The following CACNA2D4 variants were observed in gnomAD, a reference collection of about 807,000 sequenced individuals.
The protein encoded by CACNA2D4 is voltage-dependent calcium channel subunit alpha-2/delta-4.
Under a neutral mutation model 163.8 loss-of-function variants are expected in CACNA2D4, and 157 were observed. That is an observed-to-expected ratio of 0.96 (90% CI 0.84 to 1.09). The LOEUF (loss-of-function observed/expected upper bound fraction) is 1.09. Among genes scored for constraint, CACNA2D4 ranks in the 50% least tolerant of loss-of-function variants. CACNA2D4 has a pLI of 0.00. For missense variants in CACNA2D4, 1,410 were observed against 1,479.9 expected (o/e 0.95, Z 0.78); for synonymous variants, 598 against 586.9 (o/e 1.02, Z -0.27).
intron 26 of CACNA2D4, among the ~76,000 whole-genome samples, chr12:1,816,317 G>A (rs1863868832): frequency 6.6e-6 from 1 of 152,208 alleles, no homozygotes; most frequent in Non-Finnish European, 1.5e-5. Context: ...TTGCTTTCCT[G>A]GGAGTTATCA....
intron 32 of CACNA2D4, 45 bp from the exon 33 acceptor site, chr12:1,800,097 G>A (rs755778956): frequency 1.8e-5 from 28 of 1,555,008 alleles, no homozygotes; most frequent in East Asian, 4.8e-5. Flanking sequence ...GAGCCCTCCC[G>A]ACTTGGGTTC....
chr12:1,866,625 TG>T lies in CACNA2D4; in HGVS notation c.1879-6420del, dbSNP rs200750642. ...CCTTCTATCTGAAAATGTCTTTTTT[TG>T]TTGTTTGTTTTGGAGACATAGTCTC... is the stretch of plus-strand genomic sequence containing the variant. On this transcript the variant is annotated intron_variant, in intron 18 of 37. Transcript: ENST00000382722. Among the ~76,000 whole-genome samples the T allele has an allele frequency of 7.9e-5, 12 of 151,764 alleles. No individual in the cohort carries two copies. The East Asian group carries it at 1.4e-3, about 17-fold the overall frequency.
intron 31 of CACNA2D4, 27 bp from the exon 32 acceptor site, chr12:1,800,465 C>G (rs377639318): frequency 6.2e-7 from 1 of 1,612,756 alleles, no homozygotes; most frequent in South Asian, 1.1e-5. Flanking sequence ...GCACACCGCT[C>G]GCACCTAGGT....
Position 1,907,640 on chromosome 12 carries a change from G to T in CACNA2D4, c.650-69C>A, listed in dbSNP as rs942453390. The T allele has an allele frequency of 8.9e-6, 13 of 1,466,398 alleles. No individual in the cohort carries two copies. The African/African-American group carries it at 1.7e-4, about 19-fold the overall frequency. 90.8% of individuals were successfully genotyped at this position (1,466,398 alleles called of 1,614,324 possible). The stretch of plus-strand genomic sequence containing the variant: ...GGAAAATGGTGATCATGCCCGGTGA[G>T]GGTGCCTGGTGGGCGTGTCTGGTGG... On this transcript the variant is annotated intron_variant, in intron 5 of 37. Transcript: ENST00000382722.
intron 26 of CACNA2D4, among the ~76,000 whole-genome samples, chr12:1,830,008 A>C (rs923714268): frequency 6.6e-6 from 1 of 152,208 alleles, no homozygotes. Context: ...TACTTCTCCC[A>C]GCCCTACAGA....
At chr12:1,794,122 C>T (rs1374006861) in intron 37 of CACNA2D4, among the ~76,000 whole-genome samples, 1 of 152,164 alleles carries the variant, frequency 6.6e-6, no homozygotes. Context: ...GTTCTGGATC[C>T]GTACCAGCCA....
chr12:1,809,948 G>A (rs1346071639), intron 29 of CACNA2D4, among the ~76,000 whole-genome samples: 1 of 152,232 alleles, frequency 6.6e-6, no homozygotes, highest in Non-Finnish European at 1.5e-5. Flanking sequence ...GGCCCCGAGT[G>A]AGGCTGGGCC....
chr12:1,888,925 A>C (rs553860533), intron 6 of CACNA2D4, among the ~76,000 whole-genome samples: 54 of 152,342 alleles, frequency 3.5e-4, no homozygotes, highest in African/African-American at 1.3e-3. Context: ...ATAGACACAT[A>C]GTATTGGAAC....
intron 6 of CACNA2D4, among the ~76,000 whole-genome samples, chr12:1,901,616 A>G (rs1866539169): frequency 6.6e-6 from 1 of 152,160 alleles, no homozygotes; most frequent in Admixed American, 6.5e-5. Flanking sequence ...TCCTAGACAC[A>G]TACAACCTAC....
At position 1,799,683 on chromosome 12, in the gene CACNA2D4, A is replaced by G. The variant is rs55971855; in HGVS notation, c.2987T>C (p.Phe996Ser). The change falls in exon 34 of 38, where the codon TTC (phenylalanine) becomes TCC (serine). Residue 996 changes from phenylalanine (F) to serine (S), a missense_variant. Transcript: ENST00000382722. The surrounding 1 kb of genome is among the most constrained non-coding windows in gnomAD (Gnocchi z 4.7). ...YDRGAEAKSV[F>S]HHSHKHKKQD... ...TCAGCTGGGCTACTTACAGTGATGG[A>G]AGACACTTTTGGCTGGCCGGAACAT... The G allele has an allele frequency of 6.9e-3, 10,844 of 1,572,600 alleles. 54 individuals are homozygous for G. Among genetic ancestry groups the G allele is most frequent in the Middle Eastern group, 0.015 (93 of 6,026 alleles).
chr12:1,911,163 A>G (rs1420364430), intron 3 of CACNA2D4, among the ~76,000 whole-genome samples: 1 of 151,594 alleles, frequency 6.6e-6, no homozygotes, highest in East Asian at 1.9e-4. Context: ...AGCTGGGACT[A>G]CAGGCACCCA....
At chr12:1,876,702 C>T (rs191660253) in intron 16 of CACNA2D4, among the ~76,000 whole-genome samples, 12 of 152,308 alleles carry the variant, frequency 7.9e-5, no homozygotes, top group African/African-American at 2.2e-4. Flanking sequence ...TCCCTCCTTT[C>T]CCATGCCTGG....
intron 26 of CACNA2D4, among the ~76,000 whole-genome samples, chr12:1,817,830 G>C (rs1394150225): frequency 3.9e-5 from 6 of 151,966 alleles, no homozygotes; most frequent in East Asian, 3.9e-4. Flanking sequence ...ATCTCGGCTC[G>C]CTACAACCTC....
At chr12:1,839,656 A>C (rs1162668235) in intron 26 of CACNA2D4, among the ~76,000 whole-genome samples, 1 of 152,248 alleles carries the variant, frequency 6.6e-6, no homozygotes, top group Admixed American at 6.5e-5. Context: ...CAAGGACCAC[A>C]TGGGAGGCAG....
chr12:1,855,072 T>TTC (rs1865369704), intron 22 of CACNA2D4, among the ~76,000 whole-genome samples: 1 of 152,104 alleles, frequency 6.6e-6, no homozygotes, highest in Non-Finnish European at 1.5e-5. Flanking sequence ...GCAGGCCTAT[T>TTC]TCTCTCCCCT....
chr12:1,824,330 G>A (rs1864230348), intron 26 of CACNA2D4, among the ~76,000 whole-genome samples: 1 of 152,160 alleles, frequency 6.6e-6, no homozygotes, highest in Non-Finnish European at 1.5e-5. Context: ...CTTCCTACAA[G>A]GCTCCCAAGC....
Position 1,887,021 on chromosome 12 carries a change from C to T in CACNA2D4, c.830G>A (p.Arg277Gln), listed in dbSNP as rs1319340398. The T allele has an allele frequency of 2.3e-5, 37 of 1,590,528 alleles. No individual in the cohort carries two copies. The highest frequency in any genetic ancestry group is 9.0e-5 in the East Asian group (4 of 44,252). ...TGTGAGCTCTTACCAGCCGCGGTTT[C>T]GGCAGTCAAAAGTAATGACTCCATT... is the stretch of plus-strand genomic sequence containing the variant. ...DENGVITFDC[R>Q]NRGWYIQAAT... Residue 277 changes from arginine to glutamine, a missense_variant, in exon 7 of 38, where the codon CGA becomes CAA. Arg to Gln is a conservative substitution (Grantham distance 43, BLOSUM62 1). Transcript: ENST00000382722.
chr12:1,823,501 GC>G (rs1864193841), intron 26 of CACNA2D4, among the ~76,000 whole-genome samples: 2 of 152,078 alleles, frequency 1.3e-5, no homozygotes, highest in Admixed American at 6.5e-5. Flanking sequence ...GGTGGCTACA[GC>G]CCACTCAGCT....
chr12:1,803,236 C>G (rs1191089498), intron 29 of CACNA2D4, among the ~76,000 whole-genome samples: 1 of 152,258 alleles, frequency 6.6e-6, no homozygotes, highest in Non-Finnish European at 1.5e-5. Context: ...CTGAAGGGAA[C>G]AGAGATGTAT....
Sources: gnomAD v4.1 joint callset for allele counts (sites outside exome capture counted in the v4.1 genomes callset) on GRCh38, gnomAD v4.1.1 for gene constraint, Gnocchi (gnomAD v3.1) non-coding constraint, MANE v1.5 for transcripts, NCBI Gene and HGNC (gene_info 2026-07-23, HGNC 2026-07-21) for gene names.